The following PARN variants were observed in gnomAD, a reference collection of about 807,000 sequenced individuals.
PARN encodes poly(A)-specific ribonuclease PARN.
A neutral mutation model predicts 102.8 loss-of-function variants in PARN; 71 were observed. That is an observed-to-expected ratio of 0.69 (90% CI 0.57 to 0.84). The LOEUF (loss-of-function observed/expected upper bound fraction) is 0.84. Ranked by LOEUF, PARN falls within the 40% of genes least tolerant of loss-of-function variation. The pLI is 0.00. For synonymous variants in PARN, 261 were observed against 252.9 expected, an observed-to-expected ratio of 1.03 and a Z score of -0.30; for missense variants, 782 against 760.9, an observed-to-expected ratio of 1.03 and a Z score of -0.33.
At chr16:14,490,422 C>T (rs760650163) in intron 21 of PARN, among the ~76,000 whole-genome samples, 4 of 152,190 alleles carry the variant, frequency 2.6e-5, no homozygotes, top group Admixed American at 6.5e-5. Flanking sequence ...AGGCATACAT[C>T]TGTCTGCAAG....
chr16:14,505,667 C>A (rs1178498007), intron 21 of PARN, among the ~76,000 whole-genome samples: 1 of 152,038 alleles, frequency 6.6e-6, no homozygotes, highest in African/African-American at 2.4e-5. Flanking sequence ...ACCTAATAAC[C>A]AATGGTTCAT....
At chr16:14,518,563 TA>T (rs1398311871) in intron 21 of PARN, among the ~76,000 whole-genome samples, 1 of 152,066 alleles carries the variant, frequency 6.6e-6, no homozygotes, top group African/African-American at 2.4e-5. Context: ...TAGAAAAAAG[TA>T]AATATAGCAG....
chr16:14,445,705 G>A (rs993988379), intron 23 of PARN, among the ~76,000 whole-genome samples: 4 of 152,290 alleles, frequency 2.6e-5, no homozygotes, highest in South Asian at 2.1e-4. Flanking sequence ...TGGGACTACC[G>A]GCATGCGCCA....
At position 14,614,846 on chromosome 16, in the gene PARN, C is replaced by CAAAAAAAAAAAAAAAAA. The variant is rs57502376; in HGVS notation, c.388+2727_388+2743dup. Among the ~76,000 whole-genome samples the CAAAAAAAAAAAAAAAAA allele has an allele frequency of 4.5e-4, 17 of 37,654 alleles. 1 individual carries two copies. The highest frequency in any genetic ancestry group is 5.6e-4 in the Non-Finnish European group (13 of 23,162). The allele number at this position is 37,654 out of a possible 152,430, so 24.7% of individuals were successfully genotyped here. On this transcript the variant is annotated intron_variant, in intron 6 of 23. Transcript: ENST00000437198. The stretch of plus-strand genomic sequence containing the variant: ...ATGGGAAAGAAGAGCGAAACTGTCT[C>CAAAAAAAAAAAAAAAAA]AAAAAAAAAAAAAAAAAAAAAAAAA...
At chr16:14,501,429 A>G (rs1348288490) in intron 21 of PARN, 3 of 126,514 alleles carry the variant, frequency 2.4e-5, no homozygotes, top group Non-Finnish European at 3.4e-5. Flanking sequence ...ACAAAGCAAG[A>G]CTGTCCAAAA....
intron 18 of PARN, among the ~76,000 whole-genome samples, chr16:14,580,506 C>T (rs1338787003): frequency 2.0e-5 from 3 of 151,876 alleles, no homozygotes; most frequent in Non-Finnish European, 1.5e-5. Context: ...AGGCTGGCCT[C>T]GAACTCCTGA....
At chr16:14,536,959 T>G (rs759457121) in intron 21 of PARN, among the ~76,000 whole-genome samples, 1 of 152,152 alleles carries the variant, frequency 6.6e-6, no homozygotes, top group Admixed American at 6.5e-5. Flanking sequence ...TATATTAAAC[T>G]GAAATGCTTC....
At chr16:14,606,355 C>G (rs1338210497) in intron 10 of PARN, 129 bp downstream of exon 10, 2 of 486,874 alleles carry the variant, frequency 4.1e-6, no homozygotes, top group Admixed American at 4.0e-5. Flanking sequence ...CCGTGACTAA[C>G]CACTGCACTC....
At chr16:14,471,910 C>T (rs1962768936) in intron 22 of PARN, among the ~76,000 whole-genome samples, 1 of 152,168 alleles carries the variant, frequency 6.6e-6, no homozygotes, top group Admixed American at 6.6e-5. Context: ...TTAGAATCTC[C>T]TTCCTTTTTA....
intron 21 of PARN, among the ~76,000 whole-genome samples, chr16:14,542,650 C>G (rs554643882): frequency 6.6e-6 from 1 of 151,698 alleles, no homozygotes; most frequent in East Asian, 1.9e-4. Flanking sequence ...AAAAAATAAA[C>G]TGAATGAAAA....
chr16:14,620,854 C>T (rs1200417263), intron 5 of PARN, among the ~76,000 whole-genome samples: 1 of 152,182 alleles, frequency 6.6e-6, no homozygotes, highest in Admixed American at 6.5e-5. Flanking sequence ...ACAAATTACA[C>T]TTTCTTTGGC....
chr16:14,512,553 C>A (rs987838989), intron 21 of PARN, among the ~76,000 whole-genome samples: 1 of 152,096 alleles, frequency 6.6e-6, no homozygotes, highest in Non-Finnish European at 1.5e-5. Context: ...TCTAAAGACA[C>A]CTGGGGGAAT....
intron 5 of PARN, among the ~76,000 whole-genome samples, chr16:14,622,248 G>C (rs1972354901): frequency 6.6e-6 from 1 of 152,134 alleles, no homozygotes; most frequent in Admixed American, 6.6e-5. Flanking sequence ...GACAATTTGA[G>C]ACATCCATCA....
At chr16:14,490,095 T>C (rs929904775) in intron 21 of PARN, among the ~76,000 whole-genome samples, 2 of 152,012 alleles carry the variant, frequency 1.3e-5, no homozygotes, top group African/African-American at 2.4e-5. Context: ...GATGTGGAGG[T>C]TGCAGTGAAC....
rs558979753 is a variant in PARN, at chr16:14,542,218, C to G, written c.1480+9803G>C. 1.9e-4 allele frequency among the ~76,000 whole-genome samples: 29 copies of G among 151,938 alleles called. 1 individual carries two copies. The South Asian group carries it at 6.0e-3, about 32-fold the overall frequency. Reference sequence around the variant, plus strand: ...ACAGGGTCTCACTATGTTGCCCAGGCTGGTCTCAAACTCCTACGCTCCAGT... The same window carrying G: ...ACAGGGTCTCACTATGTTGCCCAGGGTGGTCTCAAACTCCTACGCTCCAGT... On this transcript the variant is annotated intron_variant, in intron 21 of 23. Coordinates refer to ENST00000437198, the MANE Select transcript of PARN (RefSeq NM_002582.4).
intron 11 of PARN, among the ~76,000 whole-genome samples, chr16:14,602,892 C>A (rs1276962572): frequency 1.3e-5 from 2 of 151,966 alleles, no homozygotes; most frequent in Admixed American, 1.3e-4. Context: ...GAAGCCACAT[C>A]ACAAAACACA....
intron 21 of PARN, among the ~76,000 whole-genome samples, chr16:14,536,738 G>A (rs192415085): frequency 8.5e-5 from 13 of 152,104 alleles, no homozygotes; most frequent in East Asian, 7.7e-4. Flanking sequence ...TATGTGAAAC[G>A]CTTGTGACAT....
At chr16:14,584,707 A>T (rs373677920) in intron 15 of PARN, 42 bp downstream of exon 15, 1 of 1,394,700 alleles carries the variant, frequency 7.2e-7, no homozygotes, top group Non-Finnish European at 1.0e-6. Context: ...CATTTCACTC[A>T]GTAATATGCA....
chr16:14,474,398 A>G (rs1482919350), intron 22 of PARN, among the ~76,000 whole-genome samples: 1 of 152,168 alleles, frequency 6.6e-6, no homozygotes, highest in Non-Finnish European at 1.5e-5. Flanking sequence ...TATGTTCCTA[A>G]ACTAAAAATT....
Sources: allele counts gnomAD v4.1 joint callset (sites outside exome capture counted in the v4.1 genomes callset), GRCh38; gene constraint gnomAD v4.1.1; transcripts MANE v1.5; gene names NCBI Gene and HGNC (gene_info 2026-07-23, HGNC 2026-07-21).